The following CEP63 variants were observed in gnomAD, a reference collection of about 807,000 sequenced individuals.
CEP63 encodes centrosomal protein of 63 kDa.
CEP63 carries 84 observed loss-of-function variants against 89.1 expected under a neutral mutation model. The observed-to-expected ratio is 0.94, with a 90% CI of 0.79 to 1.13. The LOEUF (loss-of-function observed/expected upper bound fraction) is 1.13. Among genes scored for constraint, CEP63 ranks in the 50% most tolerant of loss-of-function variants. The pLI is 0.00. For synonymous variants in CEP63, 267 were observed against 272.5 expected, an observed-to-expected ratio of 0.98 and a Z score of 0.20; for missense variants, 838 against 813.3, an observed-to-expected ratio of 1.03 and a Z score of -0.37.
the CEP63 span, among the ~76,000 whole-genome samples, chr3:134,643,150 T>G: frequency 1.3e-4 from 19 of 151,598 alleles, no homozygotes; most frequent in Non-Finnish European, 2.5e-4. Flanking sequence ...TCTTGCTGCT[T>G]CCCATGAGAC....
At chr3:134,665,183 A>G in the CEP63 span, among the ~76,000 whole-genome samples, 1 of 151,670 alleles carries the variant, frequency 6.6e-6, no homozygotes, top group Non-Finnish European at 1.5e-5. Context: ...GGCTGGGGGA[A>G]TGGGTCCAGG....
chr3:134,496,455 T>C (rs1940053895), intron 2 of CEP63, among the ~76,000 whole-genome samples: 2 of 149,264 alleles, frequency 1.3e-5, no homozygotes, highest in Admixed American at 6.6e-5. Context: ...AAAGAACTAG[T>C]CCAAAGAGAA....
the CEP63 span, among the ~76,000 whole-genome samples, chr3:134,715,703 T>C: frequency 6.6e-6 from 1 of 152,054 alleles, no homozygotes; most frequent in Non-Finnish European, 1.5e-5. Flanking sequence ...GGTACTGGTA[T>C]GTTATAGGAG....
the CEP63 span, among the ~76,000 whole-genome samples, chr3:134,687,140 C>T: frequency 6.6e-6 from 1 of 152,180 alleles, no homozygotes; most frequent in Non-Finnish European, 1.5e-5. Flanking sequence ...TCAAGCAGCT[C>T]ACTCCAGATC....
the CEP63 span, among the ~76,000 whole-genome samples, chr3:134,733,210 AG>A: frequency 6.6e-6 from 1 of 152,196 alleles, no homozygotes; most frequent in South Asian, 2.1e-4. Context: ...TTGAAAAGAC[AG>A]ACTGAATAAT....
chr3:134,529,567 C>G (rs912857411), intron 3 of CEP63, among the ~76,000 whole-genome samples: 1 of 152,138 alleles, frequency 6.6e-6, no homozygotes, highest in African/African-American at 2.4e-5. Context: ...TCTCAAACTC[C>G]TGAACTCAAG....
At chr3:134,547,614 C>CTTTTTTATTTTTTTTTTTTTTTTTTTT (rs1953750228) in intron 9 of CEP63, 142 bp downstream of exon 9, 1 of 224,274 alleles carries the variant, frequency 4.5e-6, no homozygotes, top group Non-Finnish European at 8.0e-6. Flanking sequence ...GTTCTTATTT[C>CTTTTTTATTTTTTTTTTTTTTTTTTTT]TTTTTTTTTT....
the CEP63 span, among the ~76,000 whole-genome samples, chr3:134,730,061 G>A: frequency 1.3e-5 from 2 of 152,190 alleles, no homozygotes. Flanking sequence ...TTGCAAGGAA[G>A]AGCCACCTTG....
At chr3:134,570,791 C>T (rs1183221658) in intron 11 of CEP63, among the ~76,000 whole-genome samples, 2 of 152,190 alleles carry the variant, frequency 1.3e-5, no homozygotes, top group East Asian at 1.9e-4. Context: ...TAAAGACATG[C>T]CTGAGACTGG....
the CEP63 span, among the ~76,000 whole-genome samples, chr3:134,719,900 T>A: frequency 6.6e-6 from 1 of 152,226 alleles, no homozygotes; most frequent in East Asian, 1.9e-4. Flanking sequence ...TTGTTCCTAC[T>A]TTTCACTTAT....
chr3:134,558,856 C>T (rs1484019408), intron 13 of CEP63, among the ~76,000 whole-genome samples: 1 of 152,176 alleles, frequency 6.6e-6, no homozygotes, highest in Non-Finnish European at 1.5e-5. Flanking sequence ...TAGGTGCCTT[C>T]TTATGTGCAC....
At chr3:134,606,160 T>G in the CEP63 span, among the ~76,000 whole-genome samples, 1 of 152,100 alleles carries the variant, frequency 6.6e-6, no homozygotes, top group Non-Finnish European at 1.5e-5. Flanking sequence ...TCCTGTTCCA[T>G]CTCACAACTG....
chr3:134,595,102 T>C, the CEP63 span, among the ~76,000 whole-genome samples: 1 of 152,274 alleles, frequency 6.6e-6, no homozygotes, highest in South Asian at 2.1e-4. Flanking sequence ...CAACCAAATG[T>C]CATCTTGAAT....
intron 3 of CEP63, among the ~76,000 whole-genome samples, chr3:134,523,433 T>G (rs1947937752): frequency 6.6e-6 from 1 of 152,214 alleles, no homozygotes; most frequent in Admixed American, 6.5e-5. Flanking sequence ...TTGCAGTTGC[T>G]TTTGGTGTCT....
chr3:134,516,389 A>AG (rs1559917843), intron 3 of CEP63, among the ~76,000 whole-genome samples: 1 of 152,096 alleles, frequency 6.6e-6, no homozygotes, highest in Non-Finnish European at 1.5e-5. Context: ...TCCATTGTCC[A>AG]GGGATGGGCA....
chr3:134,524,656 T>G (rs1948251414), intron 3 of CEP63, among the ~76,000 whole-genome samples: 1 of 152,230 alleles, frequency 6.6e-6, no homozygotes, highest in African/African-American at 2.4e-5. Flanking sequence ...TTTTTGGCTT[T>G]AGTTCTGTTT....
the CEP63 span, among the ~76,000 whole-genome samples, chr3:134,656,751 G>A: frequency 6.6e-5 from 10 of 152,158 alleles, no homozygotes; most frequent in Non-Finnish European, 1.0e-4. Flanking sequence ...CTCCACCTAA[G>A]CTGAAGGGCC....
chr3:134,731,614 A>T, the CEP63 span, among the ~76,000 whole-genome samples: 1 of 152,170 alleles, frequency 6.6e-6, no homozygotes, highest in Non-Finnish European at 1.5e-5. Context: ...GTTTAGTTTT[A>T]TATCTCATCT....
intron 6 of CEP63, among the ~76,000 whole-genome samples, chr3:134,541,770 C>A (rs1332687576): frequency 6.6e-6 from 1 of 152,220 alleles, no homozygotes; most frequent in South Asian, 2.1e-4. Flanking sequence ...GCCTCAGCCT[C>A]CCAGAGTGCT....
Sources: gnomAD v4.1 joint callset for allele counts (sites outside exome capture counted in the v4.1 genomes callset) on GRCh38, gnomAD v4.1.1 for gene constraint, MANE v1.5 for transcripts, NCBI Gene and HGNC (gene_info 2026-07-23, HGNC 2026-07-21) for gene names.